The following MTOR variants were observed in gnomAD, a reference collection of about 807,000 sequenced individuals.
MTOR encodes serine/threonine-protein kinase mTOR.
In MTOR, 70 loss-of-function variants were observed where a neutral mutation model predicts 319.8. The observed-to-expected ratio is 0.22, with a 90% CI of 0.18 to 0.27. MTOR has a LOEUF of 0.27. MTOR is among the 10% of genes least tolerant of loss of function. The pLI is 1.00. For synonymous variants in MTOR, 1,183 were observed against 1,211.4 expected, an observed-to-expected ratio of 0.98 and a Z score of 0.49; for missense variants, 1,890 against 3,274.4, an observed-to-expected ratio of 0.58 and a Z score of 10.32.
chr1:11,175,780 T>G (rs569658284), intron 28 of MTOR, among the ~76,000 whole-genome samples: 159 of 148,198 alleles, frequency 1.1e-3, no homozygotes, highest in African/African-American at 3.8e-3. Flanking sequence ...GGTCTCACTC[T>G]GTCACCCAGA....
rs866635929 is a variant in MTOR at position 11,129,109 on chromosome 1, G to A, written c.5715-158C>T. ...CCATGGGAGCAGGTGTCTGTGATGG[G>A]TGGCAGTGCTCTTGACTGAACACCG... On this transcript the variant is annotated intron_variant, in intron 40 of 57. Transcript: ENST00000361445. The surrounding 1 kb of genome is among the most constrained non-coding windows in gnomAD (Gnocchi z 4.7). 6.6e-6 allele frequency among the ~76,000 whole-genome samples: 1 copy of A among 152,170 alleles called. No individual in the cohort carries two copies. Among genetic ancestry groups the A allele is most frequent in the African/African-American group, 2.4e-5 (1 of 41,446 alleles).
chr1:11,163,819 C>G (rs1644553848), intron 29 of MTOR, among the ~76,000 whole-genome samples: 1 of 152,106 alleles, frequency 6.6e-6, no homozygotes, highest in African/African-American at 2.4e-5. Flanking sequence ...TAAATGCCCA[C>G]AAGAGAAAGC....
chr1:11,151,649 G>A (rs758928761), intron 30 of MTOR, among the ~76,000 whole-genome samples: 2 of 152,192 alleles, frequency 1.3e-5, no homozygotes, highest in Non-Finnish European at 2.9e-5. Flanking sequence ...CTGGACCAGG[G>A]GTCACAGTTT....
chr1:11,142,039 TA>T (rs1643736935), intron 34 of MTOR, among the ~76,000 whole-genome samples: 1 of 151,546 alleles, frequency 6.6e-6, no homozygotes, highest in Non-Finnish European at 1.5e-5. Flanking sequence ...AATAAAATAA[TA>T]AAAAAGTGAA....
Position 11,212,469 on chromosome 1 carries a change from G to C in MTOR, c.3404C>G (p.Ala1135Gly), listed in dbSNP as rs1646342863. Residue 1135 changes from alanine (A) to glycine (G), a missense_variant, in exon 23 of 58, where the codon GCG becomes GGG. By Grantham distance (60) the Ala-to-Gly change is moderately conservative (BLOSUM62 0). Transcript: ENST00000361445. The surrounding 1 kb of genome is among the most constrained non-coding windows in gnomAD (Gnocchi z 4.1). ...PEAPLPSRKA[A>G]LETVDRLTES... The stretch of plus-strand genomic sequence containing the variant: ...CGTCAGGCGGTCCACAGTCTCTAGC[G>C]CTGCCCTACAACAATCACTAACATA... 2 of 1,613,078 alleles carry C rather than the reference G, an allele frequency of 1.2e-6. No individual in the cohort carries two copies. The highest frequency in any genetic ancestry group is 3.3e-5 in the Admixed American group (2 of 59,778).
intron 19 of MTOR, among the ~76,000 whole-genome samples, chr1:11,225,486 A>C (rs1192195668): frequency 1.3e-5 from 2 of 151,276 alleles, no homozygotes; most frequent in Non-Finnish European, 2.9e-5. Flanking sequence ...CAATGGCACA[A>C]TCTCAGCTCA....
Position 11,107,402 on chromosome 1 carries a change from C to T in MTOR, c.*83G>A. The T allele has an allele frequency of 5.1e-6, 8 of 1,570,048 alleles. No homozygotes were observed. Among genetic ancestry groups the T allele is most frequent in the South Asian group, 1.2e-5 (1 of 83,938 alleles). On this transcript the variant is annotated 3_prime_UTR_variant, in exon 58 of 58. Coordinates refer to ENST00000361445, the MANE Select transcript of MTOR (RefSeq NM_004958.4). ...AATATTTAACAAAGTCAAACTTTCTCACCATGGTTTCAGTTTAGTGGAAGC... is the reference window on the plus strand; with the variant it reads ...AATATTTAACAAAGTCAAACTTTCTTACCATGGTTTCAGTTTAGTGGAAGC...
chr1:11,108,862 C>G (rs1641713364), intron 56 of MTOR, among the ~76,000 whole-genome samples: 1 of 152,012 alleles, frequency 6.6e-6, no homozygotes, highest in East Asian at 1.9e-4. Flanking sequence ...TGGGCGTGCA[C>G]CTGTAATCCC....
intron 19 of MTOR, 52 bp downstream of exon 19, chr1:11,228,616 T>C (rs1646922857): frequency 6.3e-7 from 1 of 1,593,920 alleles, no homozygotes; most frequent in Non-Finnish European, 8.5e-7. Context: ...GATGGATCTG[T>C]GCATGTGTGG....
Position 11,122,197 on chromosome 1 carries a change from G to A in MTOR, c.6663-71C>T, listed in dbSNP as rs1642565356. ...TACCCTTGAGCAGCTCAGAACACAGGCAGACTGTTTTTTTTTTCTTTTTTG... is the reference window on the plus strand; with the variant it reads ...TACCCTTGAGCAGCTCAGAACACAGACAGACTGTTTTTTTTTTCTTTTTTG... On this transcript the variant is annotated intron_variant, in intron 47 of 57. Coordinates refer to ENST00000361445, the MANE Select transcript of MTOR (RefSeq NM_004958.4). 2.6e-6 allele frequency: 4 copies of A among 1,541,720 alleles called. No individual in the cohort carries two copies. The African/African-American group carries it at 5.6e-5, about 22-fold the overall frequency.
At chr1:11,211,664 G>C (rs1490584074) in intron 23 of MTOR, among the ~76,000 whole-genome samples, 1 of 152,148 alleles carries the variant, frequency 6.6e-6, no homozygotes, top group Non-Finnish European at 1.5e-5. Flanking sequence ...ACTGTGCCTA[G>C]CTCAAGAATC....
intron 28 of MTOR, among the ~76,000 whole-genome samples, chr1:11,185,509 G>A (rs762408163): frequency 1.8e-4 from 28 of 152,090 alleles, no homozygotes; most frequent in Non-Finnish European, 3.7e-4. Context: ...GGGAGGCTGA[G>A]GTGGATGGAT....
At chr1:11,237,700 G>T in intron 13 of MTOR, 143 bp downstream of exon 13, 2 of 811,202 alleles carry the variant, frequency 2.5e-6, no homozygotes, top group Non-Finnish European at 3.9e-6. Context: ...GGAAACATTT[G>T]GACCTTTGCA....
chr1:11,249,383 T>C (rs1649286558), intron 6 of MTOR, among the ~76,000 whole-genome samples: 1 of 152,064 alleles, frequency 6.6e-6, no homozygotes, highest in African/African-American at 2.4e-5. Context: ...GAGTCTTTTT[T>C]TTTTTGAAAC....
chr1:11,168,130 GTGTC>G (rs1034451921), intron 28 of MTOR, among the ~76,000 whole-genome samples: 4 of 150,826 alleles, frequency 2.7e-5, no homozygotes, highest in African/African-American at 9.7e-5. Flanking sequence ...CAGGCAACAT[GTGTC>G]TGTTTCTGAA....
chr1:11,189,927 A>T (rs954017854), intron 28 of MTOR: 7 of 1,613,008 alleles, frequency 4.3e-6, no homozygotes, highest in Non-Finnish European at 5.9e-6. Context: ...AGCTGCAGGC[A>T]GCACAGACGG....
intron 29 of MTOR, among the ~76,000 whole-genome samples, chr1:11,165,224 CA>C (rs1470961856): frequency 2.6e-5 from 4 of 152,128 alleles, no homozygotes; most frequent in Non-Finnish European, 5.9e-5. Flanking sequence ...TCCTATTCAA[CA>C]AAGTGTTGGA....
chr1:11,133,075 A>G lies in MTOR; in HGVS notation c.5364+5T>C. 6.2e-7 allele frequency: 1 copy of G among 1,613,498 alleles called. No homozygotes were observed. The highest frequency in any genetic ancestry group is 8.5e-7 in the Non-Finnish European group (1 of 1,179,600). On this transcript the variant is annotated splice_donor_5th_base_variant and intron_variant, in intron 38 of 57. Coordinates refer to ENST00000361445, the MANE Select transcript of MTOR (RefSeq NM_004958.4). This position sits in a 1 kb window ranked among gnomAD's most constrained non-coding sequence, Gnocchi z 4.0. ...GGGTCTCACAGGTGGCCTGCTTCTG[A>G]TCACCTTGTACCAGCTGCGGTCGTG...
At chr1:11,240,796 G>C (rs1647902298) in intron 10 of MTOR, among the ~76,000 whole-genome samples, 1 of 152,138 alleles carries the variant, frequency 6.6e-6, no homozygotes, top group Non-Finnish European at 1.5e-5. Context: ...AGAAGACCAA[G>C]TCTCAACAAA....
Sources: gnomAD v4.1 joint callset for allele counts (sites outside exome capture counted in the v4.1 genomes callset) on GRCh38, gnomAD v4.1.1 for gene constraint, Gnocchi (gnomAD v3.1) non-coding constraint, MANE v1.5 for transcripts, NCBI Gene and HGNC (gene_info 2026-07-23, HGNC 2026-07-21) for gene names.